The following SYT1 variants were observed in gnomAD, a reference collection of about 807,000 sequenced individuals.
The protein encoded by SYT1 is synaptotagmin-1.
Under a neutral mutation model 44.8 loss-of-function variants are expected in SYT1, and 8 were observed. The ratio of observed to expected loss-of-function variants is 0.18; its 90% CI spans 0.10 to 0.32. The LOEUF is 0.32. Ranked by LOEUF, SYT1 falls within the 10% of genes least tolerant of loss-of-function variation. SYT1 has a pLI of 1.00. For synonymous variants in SYT1, 154 were observed against 188.8 expected, an observed-to-expected ratio of 0.82 and a Z score of 1.51; for missense variants, 286 against 509.3, an observed-to-expected ratio of 0.56 and a Z score of 4.22.
chr12:79,263,497 ATATGT>A (rs1038727207), intron 4 of SYT1, among the ~76,000 whole-genome samples: 6 of 152,084 alleles, frequency 3.9e-5, no homozygotes, highest in Non-Finnish European at 5.9e-5. Flanking sequence ...ATTTGCCTAA[ATATGT>A]TATGTGTCTA....
At chr12:79,210,240 T>C (rs1176575405) in intron 3 of SYT1, among the ~76,000 whole-genome samples, 2 of 152,154 alleles carry the variant, frequency 1.3e-5, no homozygotes, top group Non-Finnish European at 2.9e-5. Context: ...TAAACTTTTT[T>C]TCATATCTCA....
At chr12:79,377,884 G>T (rs1384430682) in intron 9 of SYT1, among the ~76,000 whole-genome samples, 2 of 152,152 alleles carry the variant, frequency 1.3e-5, no homozygotes, top group African/African-American at 2.4e-5. Flanking sequence ...AACAAATGGA[G>T]ATGTCTAATA....
At chr12:78,970,514 G>GA (rs1365760746) in intron 1 of SYT1, among the ~76,000 whole-genome samples, 2 of 151,904 alleles carry the variant, frequency 1.3e-5, no homozygotes, top group East Asian at 3.9e-4. Flanking sequence ...GCAATACACA[G>GA]AAAAAAAATA....
Position 79,193,205 on chromosome 12 carries a change from C to A in SYT1, c.-17-24298C>A, listed in dbSNP as rs766831214. ...CACTACCTAACTCTCAAGGAGTTTA[C>A]AGTATGACTTTTTGAAGCCTTATTT... On this transcript the variant is annotated intron_variant, in intron 3 of 10. Coordinates refer to ENST00000261205, the MANE Select transcript of SYT1 (RefSeq NM_005639.3). Among the ~76,000 whole-genome samples the A allele has an allele frequency of 8.5e-4, 129 of 152,068 alleles. 2 individuals carry two copies. The highest frequency in any genetic ancestry group is 2.6e-4 in the Non-Finnish European group (18 of 68,016).
intron 9 of SYT1, among the ~76,000 whole-genome samples, chr12:79,385,151 T>C (rs918773172): frequency 6.6e-6 from 1 of 151,972 alleles, no homozygotes; most frequent in African/African-American, 2.4e-5. Flanking sequence ...CATGCCCAGC[T>C]AATTCTTGTG....
chr12:78,962,332 CTTTTTTT>C (rs35875550), intron 1 of SYT1, among the ~76,000 whole-genome samples: 3 of 130,136 alleles, frequency 2.3e-5, no homozygotes, highest in South Asian at 2.4e-4. Flanking sequence ...AGCATTCTTT[CTTTTTTT>C]TTTTTTTTTT....
intron 1 of SYT1, among the ~76,000 whole-genome samples, chr12:78,965,948 G>A (rs1324612318): frequency 6.6e-6 from 1 of 151,740 alleles, no homozygotes; most frequent in African/African-American, 2.4e-5. Flanking sequence ...ACGGTGGCAG[G>A]CGCCTGTAAT....
chr12:79,335,091 C>T (rs1414286057), intron 8 of SYT1, among the ~76,000 whole-genome samples: 1 of 152,168 alleles, frequency 6.6e-6, no homozygotes, highest in Non-Finnish European at 1.5e-5. Flanking sequence ...TGACCTCCCT[C>T]TTTACATTAT....
intron 4 of SYT1, among the ~76,000 whole-genome samples, chr12:79,281,421 G>A (rs1879047953): frequency 2.0e-5 from 3 of 152,148 alleles, no homozygotes; most frequent in Non-Finnish European, 4.4e-5. Flanking sequence ...CCTAAGTGAA[G>A]TAACTCAGAA....
chr12:79,447,618 T>C (rs928186034), intron 10 of SYT1, among the ~76,000 whole-genome samples: 8 of 152,176 alleles, frequency 5.3e-5, no homozygotes, highest in African/African-American at 1.9e-4. Flanking sequence ...ATATGATTGC[T>C]TCCTGATAAA....
chr12:79,221,460 C>T (rs6419394), intron 4 of SYT1, among the ~76,000 whole-genome samples: 107,456 of 151,958 alleles, frequency 0.71, 38,506 homozygotes, highest in African/African-American at 0.78. Context: ...TGTAGTTATT[C>T]TGTACATTGT....
At chr12:78,955,233 C>T (rs1023077846) in intron 1 of SYT1, among the ~76,000 whole-genome samples, 1 of 151,948 alleles carries the variant, frequency 6.6e-6, no homozygotes, top group Non-Finnish European at 1.5e-5. Context: ...GAATGATCAA[C>T]TGGATCAAAA....
chr12:79,339,287 CA>C (rs1882246456), intron 8 of SYT1, among the ~76,000 whole-genome samples: 1 of 152,222 alleles, frequency 6.6e-6, no homozygotes, highest in African/African-American at 2.4e-5. Context: ...CTCCCACCAA[CA>C]GTGTAAAAGT....
chr12:78,959,585 T>C (rs1395177268), intron 1 of SYT1, among the ~76,000 whole-genome samples: 2 of 152,198 alleles, frequency 1.3e-5, no homozygotes, highest in Non-Finnish European at 2.9e-5. Flanking sequence ...TATCCATTAT[T>C]CTGTTGGACA....
At chr12:79,002,716 C>T (rs1467970677) in intron 2 of SYT1, among the ~76,000 whole-genome samples, 1 of 151,904 alleles carries the variant, frequency 6.6e-6, no homozygotes, top group Non-Finnish European at 1.5e-5. Flanking sequence ...TTCCTTGACG[C>T]TCAAATTCAC....
chr12:79,444,672 C>CTAAG (rs1179876740), intron 10 of SYT1, among the ~76,000 whole-genome samples: 1 of 151,968 alleles, frequency 6.6e-6, no homozygotes, highest in African/African-American at 2.4e-5. Context: ...AAAAATTAGG[C>CTAAG]TAAGTTGTGT....
intron 9 of SYT1, among the ~76,000 whole-genome samples, chr12:79,402,291 CGTG>C (rs1467479255): frequency 6.6e-6 from 1 of 152,164 alleles, no homozygotes; most frequent in Non-Finnish European, 1.5e-5. Context: ...CCATGTCCCA[CGTG>C]GCCAGTAAGT....
intron 1 of SYT1, among the ~76,000 whole-genome samples, chr12:78,952,658 T>C (rs1879026104): frequency 6.6e-6 from 1 of 152,168 alleles, no homozygotes; most frequent in Admixed American, 6.6e-5. Context: ...AGAATCACTC[T>C]ATTCCTACAT....
At chr12:78,868,807 T>A (rs983388508) in intron 1 of SYT1, 2 of 151,742 alleles carry the variant, frequency 1.3e-5, no homozygotes, top group African/African-American at 4.8e-5. Flanking sequence ...AGCCTAGAGT[T>A]TTTTTCTTTT....
Sources: allele counts gnomAD v4.1 joint callset (sites outside exome capture counted in the v4.1 genomes callset), GRCh38; gene constraint gnomAD v4.1.1; transcripts MANE v1.5; gene names NCBI Gene and HGNC (gene_info 2026-07-23, HGNC 2026-07-21).